The following THRB variants were observed in gnomAD, a reference collection of about 807,000 sequenced individuals.
THRB encodes nuclear receptor subfamily 1 group A member 2.
THRB carries 12 observed loss-of-function variants against 47.8 expected under a neutral mutation model. That is an observed-to-expected ratio of 0.25 (90% CI 0.16 to 0.41). The LOEUF (loss-of-function observed/expected upper bound fraction) is 0.41, where lower values mean the gene tolerates loss of function less well. THRB is among the 10% of genes least tolerant of loss of function. THRB has a pLI of 1.00. For synonymous variants in THRB, 218 were observed against 212.2 expected (o/e 1.03, Z -0.24); for missense variants, 348 against 589.2 (o/e 0.59, Z 4.24).
chr3:24,297,033 T>C (rs1252776226), intron 3 of THRB, among the ~76,000 whole-genome samples, 193 bp downstream of exon 3: 1 of 152,202 alleles, frequency 6.6e-6, no homozygotes. Flanking sequence ...CCGTATAGTA[T>C]GAGAAATCAC....
intron 5 of THRB, 136 bp from the exon 6 acceptor site, chr3:24,152,626 C>CA: frequency 1.5e-6 from 1 of 672,538 alleles, no homozygotes; most frequent in South Asian, 1.6e-5. Context: ...TTAGTGAAAC[C>CA]AAACGGTAAG....
chr3:24,409,627 G>A (rs2068111645), intron 1 of THRB, among the ~76,000 whole-genome samples: 1 of 151,776 alleles, frequency 6.6e-6, no homozygotes, highest in Admixed American at 6.6e-5. Flanking sequence ...ACTAATCCAT[G>A]AAAGTGCTTA....
At chr3:24,197,328 T>C (rs1256718914) in intron 4 of THRB, among the ~76,000 whole-genome samples, 1 of 152,194 alleles carries the variant, frequency 6.6e-6, no homozygotes, top group Non-Finnish European at 1.5e-5. Flanking sequence ...CAGGAAAAGA[T>C]AGTGGGTAAG....
intron 5 of THRB, among the ~76,000 whole-genome samples, chr3:24,173,338 T>C (rs760836801): frequency 3.9e-5 from 6 of 152,202 alleles, no homozygotes; most frequent in Non-Finnish European, 4.4e-5. Flanking sequence ...GGCAGGTGTA[T>C]TGACTTTGTC....
chr3:24,172,506 G>A (rs1421220846), intron 5 of THRB, among the ~76,000 whole-genome samples: 1 of 152,080 alleles, frequency 6.6e-6, no homozygotes, highest in African/African-American at 2.4e-5. Context: ...TTTCATAAAA[G>A]CTTTTGATAG....
At chr3:24,467,161 C>A (rs191747071) in intron 1 of THRB, among the ~76,000 whole-genome samples, 1 of 152,356 alleles carries the variant, frequency 6.6e-6, no homozygotes, top group East Asian at 1.9e-4. Context: ...TCTTTCTTTG[C>A]TCATCCATAA....
chr3:24,244,912 G>C (rs1394899472), intron 3 of THRB, among the ~76,000 whole-genome samples: 1 of 152,188 alleles, frequency 6.6e-6, no homozygotes, highest in Non-Finnish European at 1.5e-5. Context: ...AGCATACCTT[G>C]TTAAGCTGTG....
chr3:24,157,978 T>C (rs572752248), intron 5 of THRB, among the ~76,000 whole-genome samples: 77 of 152,336 alleles, frequency 5.1e-4, no homozygotes, highest in Non-Finnish European at 1.1e-3. Flanking sequence ...GGGAAAACAC[T>C]TGAAGATGCA....
In THRB at chr3:24,471,934, G is replaced by T. The variant is rs115275651; in HGVS notation, c.-261+22718C>A. Among the ~76,000 whole-genome samples, 1,493 of 152,128 alleles carry T rather than the reference G, an allele frequency of 9.8e-3. 28 individuals are homozygous for T. The highest frequency in any genetic ancestry group is 0.033 in the African/African-American group (1,349 of 41,468). ...TTCCTCCCTTTGCCTACTCTTTCCTGTCCCCACAACCAGAAGAATATGGCC... is the reference window on the plus strand; with the variant it reads ...TTCCTCCCTTTGCCTACTCTTTCCTTTCCCCACAACCAGAAGAATATGGCC... On this transcript the variant is annotated intron_variant, in intron 1 of 10. Transcript: ENST00000646209.
chr3:24,358,889 A>G (rs2063877492), intron 1 of THRB, among the ~76,000 whole-genome samples: 1 of 152,208 alleles, frequency 6.6e-6, no homozygotes. Context: ...TCAATAAAAG[A>G]ACTTAGCTCT....
intron 1 of THRB, among the ~76,000 whole-genome samples, chr3:24,470,409 G>A (rs1372514138): frequency 1.3e-5 from 2 of 152,170 alleles, no homozygotes; most frequent in African/African-American, 4.8e-5. Flanking sequence ...TCAAATCCCA[G>A]TTCCACCATG....
intron 3 of THRB, among the ~76,000 whole-genome samples, chr3:24,239,437 C>T (rs1455140542): frequency 6.6e-6 from 1 of 152,006 alleles, no homozygotes; most frequent in Non-Finnish European, 1.5e-5. Flanking sequence ...TTCCAATTTG[C>T]AAGAATTAAT....
rs116748562 is a variant in THRB at position 24,382,297 on chromosome 3, C to T, written c.-260-44926G>A. Among the ~76,000 whole-genome samples the T allele has an allele frequency of 4.1e-3, 618 of 152,066 alleles. 3 individuals carry two copies. Among genetic ancestry groups the T allele is most frequent in the African/African-American group, 0.014 (576 of 41,516 alleles). ...TAAAGTTGGTAAATTTTGTTAAATG[C>T]CTTTTTGGTATCTAATGCATCTATG... is the stretch of plus-strand genomic sequence containing the variant. On this transcript the variant is annotated intron_variant, in intron 1 of 10. Coordinates refer to ENST00000646209, the MANE Select transcript of THRB (RefSeq NM_001354712.2).
At chr3:24,173,703 G>T (rs936026198) in intron 5 of THRB, among the ~76,000 whole-genome samples, 7 of 152,168 alleles carry the variant, frequency 4.6e-5, no homozygotes, top group African/African-American at 1.7e-4. Flanking sequence ...TTCAAGGGAT[G>T]ATCTCCTCAT....
At chr3:24,227,237 T>C (rs888305252) in intron 4 of THRB, among the ~76,000 whole-genome samples, 4 of 152,212 alleles carry the variant, frequency 2.6e-5, no homozygotes, top group Non-Finnish European at 5.9e-5. Context: ...CCCTCCATTT[T>C]GCAGCGTGGC....
chr3:24,384,671 A>G (rs1378676945), intron 1 of THRB, among the ~76,000 whole-genome samples: 1 of 152,142 alleles, frequency 6.6e-6, no homozygotes, highest in Admixed American at 6.6e-5. Flanking sequence ...TAGTCACTTG[A>G]ATAGGAAGAG....
chr3:24,176,026 T>A (rs575493206), intron 5 of THRB, among the ~76,000 whole-genome samples: 1 of 152,214 alleles, frequency 6.6e-6, no homozygotes, highest in African/African-American at 2.4e-5. Context: ...TGACTAATAA[T>A]GTGTTTCAAC....
chr3:24,251,505 G>A (rs2050665760), intron 3 of THRB, among the ~76,000 whole-genome samples: 1 of 152,010 alleles, frequency 6.6e-6, no homozygotes, highest in Non-Finnish European at 1.5e-5. Context: ...GAAAAAGAAA[G>A]GGAATTATTT....
At chr3:24,337,159 C>T (rs576434874) in intron 2 of THRB, 141 bp downstream of exon 2, 7 of 152,052 alleles carry the variant, frequency 4.6e-5, no homozygotes, top group African/African-American at 9.6e-5. Context: ...TATATTTTTT[C>T]GGAATACCTA....
Sources: allele counts gnomAD v4.1 joint callset (sites outside exome capture counted in the v4.1 genomes callset), GRCh38; gene constraint gnomAD v4.1.1; transcripts MANE v1.5; gene names NCBI Gene and HGNC (gene_info 2026-07-23, HGNC 2026-07-21).